Variants in NSD3 observed in about 807,000 individuals in gnomAD.
NSD3 encodes histone-lysine N-methyltransferase NSD3.
In NSD3, 24 loss-of-function variants were observed where a neutral mutation model predicts 160.8. The ratio of observed to expected loss-of-function variants is 0.15; its 90% CI spans 0.11 to 0.21. The LOEUF is 0.21. Ranked by LOEUF, NSD3 falls within the 10% of genes least tolerant of loss-of-function variation. The probability of loss-of-function intolerance (pLI) is 1.00; values close to 1 mark genes in which losing one functional copy is unlikely to be tolerated. For missense variants in NSD3, 1,157 were observed against 1,735.9 expected (o/e 0.67, Z 5.93); for synonymous variants, 520 against 600.0 (o/e 0.87, Z 1.95).
intron 15 of NSD3, among the ~76,000 whole-genome samples, chr8:38,298,625 G>A (rs187450438): frequency 1.8e-4 from 27 of 152,190 alleles, no homozygotes; most frequent in African/African-American, 5.8e-4. Context: ...AGATCATAAT[G>A]GGAATGTACA....
Position 38,275,769 on chromosome 8 carries a change from G to A in NSD3, c.4186C>T (p.Pro1396Ser), listed in dbSNP as rs1357429659. The A allele has an allele frequency of 2.2e-5, 35 of 1,614,040 alleles. No individual in the cohort carries two copies. Among genetic ancestry groups the A allele is most frequent in the Non-Finnish European group, 2.8e-5 (33 of 1,180,048 alleles). The change falls in exon 24 of 24, where the codon CCC becomes TCC. Residue 1396 changes from proline (P) to serine (S), a missense_variant. Physicochemically the swap from Pro to Ser is moderately conservative, Grantham distance 74 (BLOSUM62 -1). Coordinates refer to ENST00000317025, the MANE Select transcript of NSD3 (RefSeq NM_023034.2). ...CKDHEKGALV[P>S]SALEGRLCCS... ...CAGAGGCGGCCTTCCAGTGCAGAGG[G>A]AACCAGGGCCCCCTTTTCATGATCT...
chr8:38,294,870 G>A (rs377076524), intron 16 of NSD3, among the ~76,000 whole-genome samples: 2 of 151,466 alleles, frequency 1.3e-5, no homozygotes, highest in African/African-American at 2.4e-5. Flanking sequence ...TTGGCCGGGC[G>A]TGGTGGCTCA....
intron 1 of NSD3, among the ~76,000 whole-genome samples, chr8:38,369,672 A>G (rs960063370): frequency 4.2e-4 from 64 of 152,306 alleles, no homozygotes; most frequent in African/African-American, 1.5e-3. Context: ...AATAATTTTC[A>G]TTTGCACTTT....
intron 2 of NSD3, among the ~76,000 whole-genome samples, chr8:38,340,733 G>A (rs1018218794): frequency 1.3e-5 from 2 of 151,982 alleles, no homozygotes; most frequent in African/African-American, 2.4e-5. Context: ...TGCCTAGGAC[G>A]TTCCAGGCCC....
chr8:38,331,424 T>C lies in NSD3; in HGVS notation c.1065+7A>G. On this transcript the variant is annotated splice_region_variant and intron_variant, in intron 5 of 23. Coordinates refer to ENST00000317025, the MANE Select transcript of NSD3 (RefSeq NM_023034.2). ...TACTAGGTAAATAATATTAACATGT[T>C]AGTTACCTTTTGTTTCTCAGAGTGA... 1 of 1,591,846 alleles carries C rather than the reference T, an allele frequency of 6.3e-7. No individual in the cohort carries two copies. The highest frequency in any genetic ancestry group is 8.5e-7 in the Non-Finnish European group (1 of 1,170,702).
chr8:38,288,442 G>C lies in NSD3; in HGVS notation c.3501+45C>G, dbSNP rs1446396591. 17 of 1,590,786 alleles carry C rather than the reference G, an allele frequency of 1.1e-5. No individual in the cohort carries two copies. The highest frequency in any genetic ancestry group is 1.3e-5 in the Non-Finnish European group (15 of 1,166,844). On this transcript the variant is annotated intron_variant, in intron 19 of 23. Coordinates refer to ENST00000317025, the MANE Select transcript of NSD3 (RefSeq NM_023034.2). The surrounding 1 kb of genome is among the most constrained non-coding windows in gnomAD (Gnocchi z 4.5). ...TACCCTACTGAAGCATTCCTGAAAA[G>C]CCAGGTTCTGGTCTCTTCCACCCCC... is the stretch of plus-strand genomic sequence containing the variant.
Position 38,316,571 on chromosome 8 carries a change from T to C in NSD3, c.1856-529A>G, listed in dbSNP as rs1809669914. Reference sequence around the variant, plus strand: ...ATTGCCCCCCAATAAAATTTGGATGTTCATAATTGTTCATCTGAGACTTCC... The same window carrying C: ...ATTGCCCCCCAATAAAATTTGGATGCTCATAATTGTTCATCTGAGACTTCC... On this transcript the variant is annotated intron_variant, in intron 9 of 23. Coordinates refer to ENST00000317025, the MANE Select transcript of NSD3 (RefSeq NM_023034.2). The surrounding 1 kb of genome is among the most constrained non-coding windows in gnomAD (Gnocchi z 4.5). 9.5e-7 allele frequency: 1 copy of C among 1,050,194 alleles called. No homozygotes were observed. The highest frequency in any genetic ancestry group is 5.5e-5 in the East Asian group (1 of 18,046). 65.1% of individuals were successfully genotyped at this position (1,050,194 alleles called of 1,614,324 possible). A position where few individuals can be genotyped will look rare whatever the true frequency, so the allele number is the denominator to read the frequency against.
rs552837143 is a variant in NSD3, at chr8:38,300,703, C to T, written c.2612-1113G>A. 7.9e-5 allele frequency among the ~76,000 whole-genome samples: 12 copies of T among 152,266 alleles called. 1 individual carries two copies. In the South Asian group the frequency reaches 2.5e-3, roughly 32 times the overall value. On this transcript the variant is annotated intron_variant, in intron 14 of 23. Coordinates refer to ENST00000317025, the MANE Select transcript of NSD3 (RefSeq NM_023034.2). ...GTTAATTCATGATGTAGCTATAAGC[C>T]ACTCCTAAACCTAGGCAACTGTGAG...
chr8:38,288,737 T>C lies in NSD3; in HGVS notation c.3251A>G (p.Lys1084Arg). 1.9e-6 allele frequency: 3 copies of C among 1,613,628 alleles called. No individual in the cohort carries two copies. Among genetic ancestry groups the C allele is most frequent in the Non-Finnish European group, 2.5e-6 (3 of 1,179,512 alleles). Residue 1084 changes from lysine (K) to arginine (R), a missense_variant, in exon 19 of 24, where the codon AAG becomes AGG. Transcript: ENST00000317025. The surrounding 1 kb of genome is among the most constrained non-coding windows in gnomAD (Gnocchi z 4.5). ...KHIKANKVIGKVQIQVADLSE... is the reference protein window; with the variant it reads ...KHIKANKVIGRVQIQVADLSE... ...CAGGTCAGCAACCTGGATCTGCACC[T>C]TTCCTATTACTTTGTTAGCCTAGAA...
Position 38,317,806 on chromosome 8 carries a change from T to G in NSD3, c.1855+1089A>C. 6.9e-7 allele frequency: 1 copy of G among 1,457,994 alleles called. No homozygotes were observed. The highest frequency in any genetic ancestry group is 9.0e-7 in the Non-Finnish European group (1 of 1,108,626). The allele number at this position is 1,457,994 out of a possible 1,614,324, so 90.3% of individuals were successfully genotyped here. A position where few individuals can be genotyped will look rare whatever the true frequency, so the allele number is the denominator to read the frequency against. On this transcript the variant is annotated intron_variant, in intron 9 of 23. Transcript: ENST00000317025. The surrounding 1 kb of genome is among the most constrained non-coding windows in gnomAD (Gnocchi z 5.3). ...CTGTTAAAGCAATTGTTCAGAGTCTTGAAGAAGAAACCAGGCAGGAAAATG... is the reference window on the plus strand; with the variant it reads ...CTGTTAAAGCAATTGTTCAGAGTCTGGAAGAAGAAACCAGGCAGGAAAATG...
intron 1 of NSD3, among the ~76,000 whole-genome samples, chr8:38,375,300 T>A (rs958172225): frequency 6.6e-6 from 1 of 151,970 alleles, no homozygotes; most frequent in Non-Finnish European, 1.5e-5. Flanking sequence ...TCACTGTAGA[T>A]CAGTTAATGA....
intron 12 of NSD3, among the ~76,000 whole-genome samples, chr8:38,309,405 T>C (rs1189318595): frequency 6.6e-6 from 1 of 151,718 alleles, no homozygotes; most frequent in South Asian, 2.1e-4. Context: ...GAGGTGGAGG[T>C]TGCAGTGAGC....
Position 38,317,537 on chromosome 8 carries a change from G to A in NSD3, c.1855+1358C>T, listed in dbSNP as rs1809694808. Reference sequence around the variant, plus strand: ...GACTGCCAAAGACAGCTGTCATGCTGTTCTCCATGATAACGGCACTAATAT... The same window carrying A: ...GACTGCCAAAGACAGCTGTCATGCTATTCTCCATGATAACGGCACTAATAT... On this transcript the variant is annotated intron_variant, in intron 9 of 23. Transcript: ENST00000317025. The surrounding 1 kb of genome is among the most constrained non-coding windows in gnomAD (Gnocchi z 5.3). The A allele has an allele frequency of 1.1e-5, 12 of 1,065,230 alleles. No individual in the cohort carries two copies. The South Asian group carries it at 4.7e-4, about 42-fold the overall frequency. The allele number at this position is 1,065,230 out of a possible 1,614,324, so 66.0% of individuals were successfully genotyped here. A position where few individuals can be genotyped will look rare whatever the true frequency, so the allele number is the denominator to read the frequency against.
At position 38,347,823 on chromosome 8, in the gene NSD3, G is replaced by A; in HGVS notation, c.349C>T (p.Pro117Ser). The change falls in exon 2 of 24, where the codon CCA becomes TCA. Residue 117 changes from proline to serine, a missense_variant. Pro to Ser is a moderately conservative substitution (Grantham distance 74). Transcript: ENST00000317025. ...SPTDYYHSEI[P>S]NTRPHEILEK... Reference sequence around the variant, plus strand: ...AGAATTTCATGTGGTCTTGTGTTTGGAATTTCTGAATGATAATAGTCAGTG... The same window carrying A: ...AGAATTTCATGTGGTCTTGTGTTTGAAATTTCTGAATGATAATAGTCAGTG... 6.2e-7 allele frequency: 1 copy of A among 1,614,142 alleles called. No homozygotes were observed. The highest frequency in any genetic ancestry group is 8.5e-7 in the Non-Finnish European group (1 of 1,180,032).
chr8:38,335,149 G>A (rs956815039), intron 4 of NSD3, among the ~76,000 whole-genome samples: 2 of 152,070 alleles, frequency 1.3e-5, no homozygotes, highest in African/African-American at 4.8e-5. Context: ...CAAAACGCCT[G>A]GCTAATTTTT....
At position 38,299,555 on chromosome 8, in the gene NSD3, T is replaced by C. The variant is rs1429017255; in HGVS notation, c.2647A>G (p.Ser883Gly). The change falls in exon 15 of 24, where the codon AGT (serine) becomes GGT (glycine). Residue 883 changes from serine (S) to glycine (G), a missense_variant. Physicochemically the swap from Ser to Gly is moderately conservative, Grantham distance 56. This residue lies in a region of NSD3 where 437 missense variants were observed against 576.6 expected (regional missense o/e 0.76). Coordinates refer to ENST00000317025, the MANE Select transcript of NSD3 (RefSeq NM_023034.2). ...IVQDHSDPMF[S>G]SYAYKSHYLL... Reference sequence around the variant, plus strand: ...TAGTGGGACTTATAGGCATATGAACTGAACATGGGGTCTGAATGGTCCTGA... The same window carrying C: ...TAGTGGGACTTATAGGCATATGAACCGAACATGGGGTCTGAATGGTCCTGA... The C allele has an allele frequency of 6.2e-7, 1 of 1,613,122 alleles. No individual in the cohort carries two copies. Among genetic ancestry groups the C allele is most frequent in the Admixed American group, 1.7e-5 (1 of 59,942 alleles).
At chr8:38,334,891 AC>A (rs1279009825) in intron 4 of NSD3, among the ~76,000 whole-genome samples, 2 of 152,010 alleles carry the variant, frequency 1.3e-5, no homozygotes, top group Non-Finnish European at 2.9e-5. Context: ...GCATTTCTTA[AC>A]CTAAAATTTC....
At chr8:38,310,311 T>G (rs1473104868) in intron 12 of NSD3, among the ~76,000 whole-genome samples, 1 of 152,222 alleles carries the variant, frequency 6.6e-6, no homozygotes, top group Non-Finnish European at 1.5e-5. Flanking sequence ...CTTATTTCAC[T>G]CAGCATAAAG....
intron 3 of NSD3, 65 bp downstream of exon 3, chr8:38,338,471 T>G (rs1810278743): frequency 7.6e-7 from 1 of 1,307,490 alleles, no homozygotes; most frequent in African/African-American, 1.5e-5. Context: ...GTGTTGCAAT[T>G]CAATCACTGT....
Sources: allele counts gnomAD v4.1 joint callset (sites outside exome capture counted in the v4.1 genomes callset), GRCh38; gene constraint gnomAD v4.1.1; regional missense constraint gnomAD v4.1.1; non-coding constraint Gnocchi (gnomAD v3.1); transcripts MANE v1.5; gene names NCBI Gene and HGNC (gene_info 2026-07-23, HGNC 2026-07-21).